CAMTA1: variants seen among roughly 807,000 people sequenced by gnomAD.
CAMTA1 encodes the protein calmodulin-binding transcription activator 1.
Under a neutral mutation model 170.9 loss-of-function variants are expected in CAMTA1, and 27 were observed. The observed-to-expected ratio is 0.16, with a 90% CI of 0.12 to 0.22. The LOEUF (loss-of-function observed/expected upper bound fraction) is 0.22. CAMTA1 is among the 10% of genes least tolerant of loss of function. The probability of loss-of-function intolerance (pLI) is 1.00; values close to 1 mark genes in which losing one functional copy is unlikely to be tolerated. For synonymous variants in CAMTA1, 833 were observed against 891.5 expected (o/e 0.93, Z 1.17); for missense variants, 1,619 against 2,217.2 (o/e 0.73, Z 5.42).
At position 7,759,978 on chromosome 1, in the gene CAMTA1, C is replaced by T. The variant is rs995972864; in HGVS notation, c.4989+4310C>T. On this transcript the variant is annotated intron_variant, in intron 22 of 22. Coordinates refer to ENST00000303635, the MANE Select transcript of CAMTA1 (RefSeq NM_015215.4). ...TAGACAAATTCCTCCTTTCCCGATACGAGACACTATTTCTGTGAGAAGGCT... is the reference window on the plus strand; with the variant it reads ...TAGACAAATTCCTCCTTTCCCGATATGAGACACTATTTCTGTGAGAAGGCT... Among the ~76,000 whole-genome samples, 4 of 152,154 alleles carry T rather than the reference C, an allele frequency of 2.6e-5. No homozygotes were observed. In the East Asian group the frequency reaches 7.7e-4, roughly 29 times the overall value.
chr1:7,147,789 A>G (rs1477590725), intron 4 of CAMTA1, among the ~76,000 whole-genome samples: 78 of 148,942 alleles, frequency 5.2e-4, no homozygotes, highest in Non-Finnish European at 9.4e-4. Context: ...AAACTCAAAC[A>G]TATACCATGC....
In CAMTA1 at chr1:7,706,418, C is replaced by T. The variant is rs534255755; in HGVS notation, c.2915-26030C>T. On this transcript the variant is annotated intron_variant, in intron 11 of 22. Coordinates refer to ENST00000303635, the MANE Select transcript of CAMTA1 (RefSeq NM_015215.4). The stretch of plus-strand genomic sequence containing the variant: ...TACAAGGAGTCTTTTTCTCTTACTA[C>T]CTTGAGGAACTGAAGTGTTCCGTTT... Among the ~76,000 whole-genome samples, 6 of 152,310 alleles carry T rather than the reference C, an allele frequency of 3.9e-5. No homozygotes were observed. The East Asian group carries it at 1.2e-3, about 29-fold the overall frequency.
At chr1:6,937,133 C>CCACCAT (rs922497383) in intron 3 of CAMTA1, among the ~76,000 whole-genome samples, 10 of 151,296 alleles carry the variant, frequency 6.6e-5, no homozygotes, top group Non-Finnish European at 1.3e-4. Context: ...CCATTTACCA[C>CCACCAT]CACCATCACC....
At position 7,455,948 on chromosome 1, in the gene CAMTA1, T is replaced by C. The variant is rs550846126; in HGVS notation, c.439-11882T>C. The stretch of plus-strand genomic sequence containing the variant: ...AGCCGAAGCTCCCAGCGCCAGAGGG[T>C]ACAGCCTGAGCCTCCTTACCAAGGC... On this transcript the variant is annotated intron_variant, in intron 5 of 22. Transcript: ENST00000303635. This position sits in a 1 kb window ranked among gnomAD's most constrained non-coding sequence, Gnocchi z 5.0. Among the ~76,000 whole-genome samples, 95 of 152,154 alleles carry C rather than the reference T, an allele frequency of 6.2e-4. 2 individuals carry two copies. The highest frequency in any genetic ancestry group is 2.2e-3 in the African/African-American group (91 of 41,524).
rs74053035 is a variant in CAMTA1 at position 7,480,591 on chromosome 1, G to A, written c.510+12690G>A. Among the ~76,000 whole-genome samples the A allele has an allele frequency of 6.6e-3, 997 of 152,080 alleles. 12 individuals carry two copies. The highest frequency in any genetic ancestry group is 0.023 in the African/African-American group (961 of 41,456). ...TCACTGTGCCATCGTCATGTTTCCT[G>A]GCCTCCCAGCAGCACCTCTTCAGGC... is the stretch of plus-strand genomic sequence containing the variant. On this transcript the variant is annotated intron_variant, in intron 6 of 22. Coordinates refer to ENST00000303635, the MANE Select transcript of CAMTA1 (RefSeq NM_015215.4).
At chr1:6,802,725 T>C (rs1198620382) in intron 1 of CAMTA1, among the ~76,000 whole-genome samples, 2 of 151,904 alleles carry the variant, frequency 1.3e-5, no homozygotes, top group East Asian at 3.8e-4. Context: ...GCTTTTTCTT[T>C]GTCTCTCTCT....
chr1:6,954,721 G>A (rs905218462), intron 3 of CAMTA1, among the ~76,000 whole-genome samples: 2 of 152,182 alleles, frequency 1.3e-5, no homozygotes, highest in Non-Finnish European at 2.9e-5. Context: ...AGGACCGCGA[G>A]TGCCTTTGAA....
intron 3 of CAMTA1, among the ~76,000 whole-genome samples, chr1:6,902,077 A>ATAAAAAT (rs1553180469): frequency 1.4e-5 from 1 of 70,874 alleles, no homozygotes; most frequent in Non-Finnish European, 4.0e-5. Context: ...ACACACAAAA[A>ATAAAAAT]AAAAAATAAA....
intron 6 of CAMTA1, among the ~76,000 whole-genome samples, chr1:7,577,501 G>A (rs2095210993): frequency 6.6e-6 from 1 of 152,026 alleles, no homozygotes; most frequent in East Asian, 1.9e-4. Flanking sequence ...CAGCCGGCCT[G>A]GAAGGAAGTC....
chr1:7,769,112 A>C lies in CAMTA1; in HGVS notation c.*2621A>C, dbSNP rs1410250821. 6.5e-6 allele frequency: 1 copy of C among 152,752 alleles called. No homozygotes were observed. The highest frequency in any genetic ancestry group is 1.5e-5 in the Non-Finnish European group (1 of 68,032). The allele number at this position is 152,752 out of a possible 1,614,324, so 9.5% of individuals were successfully genotyped here. ...GAGGGTTCTCATGGAGGGGATAGGA[A>C]GTAGGTTTAAAGCCTACCAGTGTAA... On this transcript the variant is annotated 3_prime_UTR_variant, in exon 23 of 23. Transcript: ENST00000303635.
At chr1:7,354,440 C>T (rs1462048799) in intron 5 of CAMTA1, among the ~76,000 whole-genome samples, 3 of 152,348 alleles carry the variant, frequency 2.0e-5, no homozygotes, top group East Asian at 1.9e-4. Context: ...TGAGCCACCG[C>T]GCCCGACCTA....
chr1:6,791,635 T>C (rs895514931), intron 1 of CAMTA1, among the ~76,000 whole-genome samples: 2 of 152,242 alleles, frequency 1.3e-5, no homozygotes, highest in Admixed American at 6.5e-5. Flanking sequence ...TATATAGTAC[T>C]GCCTTTAGTT....
intron 5 of CAMTA1, among the ~76,000 whole-genome samples, chr1:7,461,132 G>A (rs947729070): frequency 3.3e-5 from 5 of 152,190 alleles, no homozygotes; most frequent in African/African-American, 4.8e-5. Flanking sequence ...GGGAAGAGAG[G>A]GGAGGGGAGC....
At chr1:7,625,411 G>T (rs1576461745) in intron 6 of CAMTA1, among the ~76,000 whole-genome samples, 1 of 152,252 alleles carries the variant, frequency 6.6e-6, no homozygotes, top group Non-Finnish European at 1.5e-5. Flanking sequence ...GCCTGATTCT[G>T]CCCCCATCGG....
At chr1:7,601,760 G>A (rs1300777623) in intron 6 of CAMTA1, among the ~76,000 whole-genome samples, 5 of 152,218 alleles carry the variant, frequency 3.3e-5, no homozygotes, top group South Asian at 2.1e-4. Context: ...CCAACACAGC[G>A]AAACCCCGTC....
intron 6 of CAMTA1, among the ~76,000 whole-genome samples, chr1:7,498,051 A>T (rs1466112005): frequency 1.3e-5 from 2 of 151,906 alleles, no homozygotes; most frequent in East Asian, 1.9e-4. Context: ...GTCCTTATGG[A>T]AAGAGGGGGT....
rs561092039 is a variant in CAMTA1 at position 7,456,641 on chromosome 1, G to A, written c.439-11189G>A. Among the ~76,000 whole-genome samples the A allele has an allele frequency of 1.8e-4, 27 of 152,314 alleles. No individual in the cohort carries two copies. The highest frequency in any genetic ancestry group is 6.3e-4 in the African/African-American group (26 of 41,578). ...CCAGCTCAGAGAAAGCCTGTTCTTT[G>A]CTGGGGCCCGCAGGGAGCCAGGTAT... On this transcript the variant is annotated intron_variant, in intron 5 of 22. Transcript: ENST00000303635. The surrounding 1 kb of genome is among the most constrained non-coding windows in gnomAD (Gnocchi z 4.9).
At chr1:6,847,843 A>G (rs2148769205) in intron 3 of CAMTA1, among the ~76,000 whole-genome samples, 1 of 151,156 alleles carries the variant, frequency 6.6e-6, no homozygotes, top group East Asian at 1.9e-4. Flanking sequence ...AGCTGGGATT[A>G]CAGGCACGCA....
At chr1:7,568,122 A>G (rs2095066121) in intron 6 of CAMTA1, among the ~76,000 whole-genome samples, 1 of 150,400 alleles carries the variant, frequency 6.6e-6, no homozygotes, top group African/African-American at 2.5e-5. Flanking sequence ...CATCTCCATT[A>G]TCATCATCAT....
Sources: allele counts gnomAD v4.1 joint callset (sites outside exome capture counted in the v4.1 genomes callset), GRCh38; gene constraint gnomAD v4.1.1; non-coding constraint Gnocchi (gnomAD v3.1); transcripts MANE v1.5; gene names NCBI Gene and HGNC (gene_info 2026-07-23, HGNC 2026-07-21).